GLI3: variants seen among roughly 807,000 people sequenced by gnomAD.
GLI3 encodes the protein transcription activator GLI3.
Under a neutral mutation model 100.8 loss-of-function variants are expected in GLI3, and 20 were observed. The observed-to-expected ratio is 0.20, with a 90% CI of 0.14 to 0.29. GLI3 has a LOEUF of 0.29. GLI3 is among the 10% of genes least tolerant of loss of function. The pLI is 1.00. For missense variants in GLI3, 2,040 were observed against 2,128.5 expected, an observed-to-expected ratio of 0.96 and a Z score of 0.82; for synonymous variants, 938 against 860.5, an observed-to-expected ratio of 1.09 and a Z score of -1.58.
intron 4 of GLI3, among the ~76,000 whole-genome samples, chr7:42,065,245 T>C (rs1161889649): frequency 1.3e-5 from 2 of 149,806 alleles, no homozygotes; most frequent in Non-Finnish European, 3.0e-5. Context: ...TTAATACTTT[T>C]AAATTATTAT....
chr7:42,212,968 CT>C (rs1788299885), intron 2 of GLI3, among the ~76,000 whole-genome samples: 2 of 152,212 alleles, frequency 1.3e-5, no homozygotes, highest in Non-Finnish European at 2.9e-5. Context: ...TCCTAAAGCA[CT>C]TTAAGAGAGG....
chr7:41,990,442 T>A (rs1395526141), intron 10 of GLI3, among the ~76,000 whole-genome samples: 1 of 152,178 alleles, frequency 6.6e-6, no homozygotes, highest in Non-Finnish European at 1.5e-5. Context: ...CCAATTTGAA[T>A]GGGTGGTCTC....
chr7:42,224,994 C>T (rs541871368), intron 1 of GLI3, among the ~76,000 whole-genome samples: 85 of 152,316 alleles, frequency 5.6e-4, no homozygotes, highest in African/African-American at 2.0e-3. Flanking sequence ...ATTTAATTTC[C>T]AAGGGATCAC....
At chr7:41,990,865 AGTGT>A (rs57245025) in intron 10 of GLI3, among the ~76,000 whole-genome samples, 2,727 of 142,780 alleles carry the variant, frequency 0.019, 45 homozygotes, top group South Asian at 0.056. Context: ...GATTAAGGCA[AGTGT>A]GTGTGTGTGT....
chr7:42,064,246 A>G (rs946506603), intron 4 of GLI3, among the ~76,000 whole-genome samples: 2 of 152,218 alleles, frequency 1.3e-5, no homozygotes, highest in African/African-American at 4.8e-5. Context: ...CAATATTTTC[A>G]TGGAATCCCC....
chr7:42,017,974 A>C (rs1788816737), intron 10 of GLI3, among the ~76,000 whole-genome samples: 1 of 152,158 alleles, frequency 6.6e-6, no homozygotes, highest in Non-Finnish European at 1.5e-5. Context: ...ATAAGTGAGA[A>C]AATAACGTTC....
intron 2 of GLI3, among the ~76,000 whole-genome samples, chr7:42,211,910 A>G (rs1046133353): frequency 6.6e-6 from 1 of 152,250 alleles, no homozygotes; most frequent in South Asian, 2.1e-4. Flanking sequence ...CAGCAAACCA[A>G]TAAGGTAATG....
At chr7:42,163,824 A>C (rs750576528) in intron 2 of GLI3, among the ~76,000 whole-genome samples, 2 of 152,172 alleles carry the variant, frequency 1.3e-5, no homozygotes, top group Non-Finnish European at 2.9e-5. Context: ...TCTGGCTTGC[A>C]CTTGACCCCT....
intron 3 of GLI3, among the ~76,000 whole-genome samples, chr7:42,111,820 G>A (rs1013763709): frequency 6.6e-6 from 1 of 152,146 alleles, no homozygotes; most frequent in Non-Finnish European, 1.5e-5. Context: ...TGCACAGTCT[G>A]TAACGTGATC....
chr7:42,224,882 A>G (rs1179558262), intron 1 of GLI3, among the ~76,000 whole-genome samples: 2 of 152,210 alleles, frequency 1.3e-5, no homozygotes, highest in African/African-American at 4.8e-5. Flanking sequence ...TCGGGCAGTG[A>G]GATCTGACCT....
rs1377745471 is a variant in GLI3, at chr7:42,254,693, T to A, written c.-43+9301A>T. On this transcript the variant is annotated intron_variant, in intron 1 of 2. Coordinates refer to the GLI3 transcript ENST00000678978. ...TTGCTCTCAAAATAAAATCCAAATT[T>A]TTTTCTGTAATGAAACCTAGATCCT... Among the ~76,000 whole-genome samples the A allele has an allele frequency of 2.0e-5, 3 of 152,126 alleles. No individual in the cohort carries two copies. The East Asian group carries it at 5.8e-4, about 29-fold the overall frequency.
At chr7:41,976,452 C>T (rs994736365) in intron 12 of GLI3, among the ~76,000 whole-genome samples, 5 of 152,130 alleles carry the variant, frequency 3.3e-5, no homozygotes, top group African/African-American at 9.7e-5. Context: ...CTGAAGAAAA[C>T]ATGGTGAGAA....
At chr7:41,986,179 C>T (rs566962247) in intron 10 of GLI3, among the ~76,000 whole-genome samples, 62 of 152,046 alleles carry the variant, frequency 4.1e-4, no homozygotes, top group South Asian at 4.2e-4. Flanking sequence ...AGAATTAGGA[C>T]GAGATAAAAA....
Position 41,965,548 on chromosome 7 carries a change from G to C in GLI3, c.3525C>G (p.Ser1175=). The part of the protein sequence containing the change: ...VSSGSADLSS[S]KLKCGPRPAV... ...CGGGCCGCGGCCCACACTTGAGCTT[G>C]GAGGAGGACAGGTCGGCGCTTCCGG... Residue 1175 remains serine (S), a synonymous_variant, in exon 15 of 15, where the codon TCC becomes TCG. Transcript: ENST00000395925. The C allele has an allele frequency of 6.2e-7, 1 of 1,605,018 alleles. No homozygotes were observed. Among genetic ancestry groups the C allele is most frequent in the Non-Finnish European group, 8.5e-7 (1 of 1,172,826 alleles).
At chr7:42,142,240 G>A (rs1427148906) in intron 3 of GLI3, among the ~76,000 whole-genome samples, 1 of 152,128 alleles carries the variant, frequency 6.6e-6, no homozygotes, top group Non-Finnish European at 1.5e-5. Flanking sequence ...CAAGTAACTG[G>A]TCCAGGAGAA....
At chr7:42,096,082 G>A (rs1785331823) in intron 3 of GLI3, among the ~76,000 whole-genome samples, 2 of 152,176 alleles carry the variant, frequency 1.3e-5, no homozygotes, top group South Asian at 4.1e-4. Context: ...ACTGCAGGGA[G>A]CTGACGGGTG....
chr7:42,121,183 G>A (rs1215557878), intron 3 of GLI3, among the ~76,000 whole-genome samples: 4 of 152,144 alleles, frequency 2.6e-5, no homozygotes, highest in African/African-American at 9.7e-5. Flanking sequence ...GACCCAAATT[G>A]TTCTACGTAA....
At chr7:42,212,076 G>C (rs139166897) in intron 2 of GLI3, among the ~76,000 whole-genome samples, 1 of 152,314 alleles carries the variant, frequency 6.6e-6, no homozygotes, top group East Asian at 1.9e-4. Flanking sequence ...AGCAGTTCCA[G>C]AAAGAGACAT....
At chr7:42,160,985 C>T (rs1348963957) in intron 2 of GLI3, among the ~76,000 whole-genome samples, 2 of 152,202 alleles carry the variant, frequency 1.3e-5, no homozygotes, top group African/African-American at 2.4e-5. Flanking sequence ...GACAAGTATG[C>T]TTAGTTCTTC....
Sources: allele counts gnomAD v4.1 joint callset (sites outside exome capture counted in the v4.1 genomes callset), GRCh38; gene constraint gnomAD v4.1.1; transcripts MANE v1.5; gene names NCBI Gene and HGNC (gene_info 2026-07-23, HGNC 2026-07-21).